PREX1: variants seen among roughly 807,000 people sequenced by gnomAD.
PREX1 encodes phosphatidylinositol 3,4,5-trisphosphate-dependent Rac exchanger 1 protein.
In PREX1, 41 loss-of-function variants were observed where a neutral mutation model predicts 198.3. The ratio of observed to expected loss-of-function variants is 0.21; its 90% CI spans 0.16 to 0.27. The LOEUF is 0.27. Ranked by LOEUF, PREX1 falls within the 10% of genes least tolerant of loss-of-function variation. PREX1 has a pLI of 1.00. For missense variants in PREX1, 1,620 were observed against 2,200.7 expected, an observed-to-expected ratio of 0.74 and a Z score of 5.28; for synonymous variants, 843 against 887.2, an observed-to-expected ratio of 0.95 and a Z score of 0.89.
the PREX1 span, among the ~76,000 whole-genome samples, chr20:48,862,807 A>ATATATATATG: frequency 5.9e-4 from 75 of 126,610 alleles, 1 homozygote; most frequent in African/African-American, 2.2e-3. Flanking sequence ...ATATATATAT[A>ATATATATATG]TATATACTAA....
chr20:48,759,832 T>C lies in PREX1; in HGVS notation c.220-11952A>G, dbSNP rs577787908. ...AGCTATTATTGGCCAGGCTCACACC[T>C]GTGAGCTCACACCTGTAATCCTAAC... is the stretch of plus-strand genomic sequence containing the variant. On this transcript the variant is annotated intron_variant, in intron 1 of 39. Coordinates refer to ENST00000371941, the MANE Select transcript of PREX1 (RefSeq NM_020820.4). Among the ~76,000 whole-genome samples the C allele has an allele frequency of 3.6e-4, 55 of 152,078 alleles. 1 individual carries two copies. The highest frequency in any genetic ancestry group is 6.9e-4 in the Non-Finnish European group (47 of 67,998).
At chr20:48,759,007 A>G (rs1024399156) in intron 1 of PREX1, among the ~76,000 whole-genome samples, 2 of 152,122 alleles carry the variant, frequency 1.3e-5, no homozygotes, top group Admixed American at 1.3e-4. Context: ...CCCAACTCTC[A>G]GAAGCCCTCC....
At chr20:48,662,374 A>G (rs1276013835) in intron 15 of PREX1, among the ~76,000 whole-genome samples, 1 of 152,148 alleles carries the variant, frequency 6.6e-6, no homozygotes, top group Non-Finnish European at 1.5e-5. Context: ...ACCAACCTCA[A>G]TACCTTTCCC....
intron 5 of PREX1, among the ~76,000 whole-genome samples, chr20:48,722,904 C>T (rs1480130576): frequency 2.0e-5 from 3 of 152,258 alleles, no homozygotes; most frequent in East Asian, 3.8e-4. Context: ...ATGTGTGCAT[C>T]ACCAGGAAAT....
chr20:48,645,936 C>T lies in PREX1; in HGVS notation c.3427G>A (p.Gly1143Ser), dbSNP rs1473480081. 2 of 1,614,204 alleles carry T rather than the reference C, an allele frequency of 1.2e-6. No individual in the cohort carries two copies. The highest frequency in any genetic ancestry group is 1.7e-6 in the Non-Finnish European group (2 of 1,180,026). ...ESEMDRSDHG[G>S]IKKVCFKVAE... The stretch of plus-strand genomic sequence containing the variant: ...ACCTTGAAGCACACCTTCTTGATGC[C>T]CCCATGGTCACTCCTGTCCATCTCG... Residue 1143 changes from glycine (G) to serine (S), a missense_variant, in exon 26 of 40, where the codon GGC becomes AGC. By Grantham distance (56) the Gly-to-Ser change is moderately conservative (BLOSUM62 0). Coordinates refer to ENST00000371941, the MANE Select transcript of PREX1 (RefSeq NM_020820.4).
chr20:48,708,156 A>C, intron 6 of PREX1, 104 bp downstream of exon 6: 1 of 1,281,196 alleles, frequency 7.8e-7, no homozygotes, highest in South Asian at 1.4e-5. Flanking sequence ...GGCCAAACAA[A>C]ATACATTGCA....
intron 5 of PREX1, among the ~76,000 whole-genome samples, chr20:48,717,397 G>C (rs1246107530): frequency 1.3e-5 from 2 of 151,944 alleles, no homozygotes; most frequent in Non-Finnish European, 2.9e-5. Context: ...CAGGAAGCCT[G>C]GCTTGCTCCT....
chr20:48,846,761 G>A, the PREX1 span, among the ~76,000 whole-genome samples: 1 of 152,214 alleles, frequency 6.6e-6, no homozygotes, highest in Non-Finnish European at 1.5e-5. Flanking sequence ...TGGGGTGCCT[G>A]GGAGTGTTAA....
At chr20:48,670,508 C>T (rs1162193520) in intron 14 of PREX1, among the ~76,000 whole-genome samples, 2 of 152,184 alleles carry the variant, frequency 1.3e-5, no homozygotes, top group Admixed American at 6.5e-5. Flanking sequence ...ATGTGACGGT[C>T]GCAGCCTGGG....
chr20:48,764,432 A>AG lies in PREX1; in HGVS notation c.220-16553dup, dbSNP rs1436507943. Among the ~76,000 whole-genome samples, 5 of 152,116 alleles carry AG rather than the reference A, an allele frequency of 3.3e-5. No homozygotes were observed. The South Asian group carries it at 1.0e-3, about 32-fold the overall frequency. On this transcript the variant is annotated intron_variant, in intron 1 of 39. Coordinates refer to ENST00000371941, the MANE Select transcript of PREX1 (RefSeq NM_020820.4). The stretch of plus-strand genomic sequence containing the variant: ...TGTGATTAAGGTAAGGATCTTGGAA[A>AG]GGGGGGGATTATCAATAGCATTGAG...
At chr20:48,658,378 A>T in intron 16 of PREX1, 150 bp from the exon 17 acceptor site, 2 of 697,578 alleles carry the variant, frequency 2.9e-6, no homozygotes, top group Non-Finnish European at 4.9e-6. Context: ...AAACGCAAAC[A>T]GCACCTGGCA....
intron 5 of PREX1, among the ~76,000 whole-genome samples, chr20:48,724,058 C>T (rs2089999158): frequency 6.6e-6 from 1 of 152,172 alleles, no homozygotes; most frequent in Non-Finnish European, 1.5e-5. Context: ...AGCCACCGAC[C>T]TTAGACGCCA....
Position 48,691,080 on chromosome 20 carries a change from G to A in PREX1, c.1053C>T (p.Asn351=), listed in dbSNP as rs3746820. ...VEDGTADYHS[N]GYTVTNGWKI... is the part of the protein sequence containing the mutation. ...TCCAGCCGTTGGTGACGGTATAGCC[G>A]TTGCTATGGTAATCCGCTGGTGGGG... Residue 351 remains asparagine, a synonymous_variant, in exon 9 of 40, where the codon AAC becomes AAT. Transcript: ENST00000371941. The surrounding 1 kb of genome is among the most constrained non-coding windows in gnomAD (Gnocchi z 5.0). 320,277 of 1,613,974 alleles carry A rather than the reference G, an allele frequency of 0.2. 36,702 individuals are homozygous for A. Among genetic ancestry groups the A allele is most frequent in the African/African-American group, 0.51 (38,586 of 74,956 alleles).
intron 1 of PREX1, among the ~76,000 whole-genome samples, chr20:48,820,709 T>G (rs987102619): frequency 1.3e-5 from 2 of 152,078 alleles, no homozygotes; most frequent in African/African-American, 4.8e-5. Flanking sequence ...TTGTCACAAC[T>G]GGGGAAGAGG....
At chr20:48,650,254 G>A (rs1463922349) in intron 23 of PREX1, 48 bp from the exon 24 acceptor site, 2 of 1,547,864 alleles carry the variant, frequency 1.3e-6, no homozygotes, top group Admixed American at 3.4e-5. Context: ...GCAGGGTCTG[G>A]AAATATTGGC....
chr20:48,818,222 C>T (rs2065529657), intron 1 of PREX1, among the ~76,000 whole-genome samples: 1 of 152,040 alleles, frequency 6.6e-6, no homozygotes, highest in South Asian at 2.1e-4. Context: ...TAAGAGCTAC[C>T]CAGAAGATTC....
In PREX1 at chr20:48,781,904, G is replaced by A. The variant is rs150902616; in HGVS notation, c.220-34024C>T. ...AGTTTCCAACAATTGAACCTTGGGG[G>A]ACACATTCAAACCACAGCAACATGT... On this transcript the variant is annotated intron_variant, in intron 1 of 39. Coordinates refer to ENST00000371941, the MANE Select transcript of PREX1 (RefSeq NM_020820.4). Among the ~76,000 whole-genome samples, 184 of 152,328 alleles carry A rather than the reference G, an allele frequency of 1.2e-3. 2 individuals are homozygous for A. In the East Asian group the frequency reaches 0.026, roughly 22 times the overall value.
chr20:48,875,451 G>A, the PREX1 span, among the ~76,000 whole-genome samples: 14,514 of 152,190 alleles, frequency 0.095, 837 homozygotes, highest in Middle Eastern at 0.16. Flanking sequence ...TTAGGGAAAG[G>A]TGTGACATGA....
chr20:48,724,874 CA>C (rs2090002746), intron 5 of PREX1, among the ~76,000 whole-genome samples: 6 of 152,246 alleles, frequency 3.9e-5, no homozygotes. Context: ...CTTCCACAAC[CA>C]GGTGAAGACC....
Sources: allele counts gnomAD v4.1 joint callset (sites outside exome capture counted in the v4.1 genomes callset), GRCh38; gene constraint gnomAD v4.1.1; non-coding constraint Gnocchi (gnomAD v3.1); transcripts MANE v1.5; gene names NCBI Gene and HGNC (gene_info 2026-07-23, HGNC 2026-07-21).